NAALADL2: variants seen among roughly 807,000 people sequenced by gnomAD.
NAALADL2 encodes inactive N-acetylated-alpha-linked acidic dipeptidase-like protein 2.
NAALADL2 carries 76 observed loss-of-function variants against 87.2 expected under a neutral mutation model. The ratio of observed to expected loss-of-function variants is 0.87; its 90% CI spans 0.72 to 1.05. NAALADL2 has a LOEUF of 1.05. Ranked by LOEUF, NAALADL2 falls within the 50% of genes least tolerant of loss-of-function variation. NAALADL2 has a pLI of 0.00. For synonymous variants in NAALADL2, 354 were observed against 331.0 expected, an observed-to-expected ratio of 1.07 and a Z score of -0.75; for missense variants, 1,089 against 945.8, an observed-to-expected ratio of 1.15 and a Z score of -1.99.
At chr3:175,429,313 G>C (rs558798117) in intron 5 of NAALADL2, among the ~76,000 whole-genome samples, 3 of 151,246 alleles carry the variant, frequency 2.0e-5, no homozygotes, top group Admixed American at 6.6e-5. Context: ...TGATTACCTT[G>C]CTCTTAAAGA....
intron 5 of NAALADL2, among the ~76,000 whole-genome samples, chr3:175,418,018 T>C (rs1342412341): frequency 6.6e-6 from 1 of 151,700 alleles, no homozygotes. Flanking sequence ...ACAGGTAAAG[T>C]AGGAGATGAG....
At chr3:175,662,474 T>G (rs1732398261) in intron 11 of NAALADL2, among the ~76,000 whole-genome samples, 1 of 151,954 alleles carries the variant, frequency 6.6e-6, no homozygotes, top group Non-Finnish European at 1.5e-5. Flanking sequence ...TTTGGATGCT[T>G]TTTATTTCTT....
chr3:175,208,701 C>T (rs993445743), intron 2 of NAALADL2, among the ~76,000 whole-genome samples: 2 of 152,054 alleles, frequency 1.3e-5, no homozygotes, highest in African/African-American at 4.8e-5. Context: ...CACTGATCTC[C>T]ACATGGTTGA....
At chr3:175,111,585 C>G (rs986572470) in intron 2 of NAALADL2, among the ~76,000 whole-genome samples, 1 of 151,536 alleles carries the variant, frequency 6.6e-6, no homozygotes, top group African/African-American at 2.4e-5. Context: ...ATAAAAGAAA[C>G]AAAATTTGAA....
At chr3:174,864,052 A>G (rs1334390718) in intron 1 of NAALADL2, 1 of 455,804 alleles carries the variant, frequency 2.2e-6, no homozygotes, top group East Asian at 7.0e-5. Context: ...AATTTGGAGC[A>G]AAGAAAGTTG....
At chr3:175,610,625 C>T (rs4429642) in intron 10 of NAALADL2, among the ~76,000 whole-genome samples, 139,868 of 152,080 alleles carry the variant, frequency 0.92, 64,382 homozygotes, top group Admixed American at 0.95. Flanking sequence ...CATTTTTGAG[C>T]CATAAAGCCA....
chr3:175,398,750 C>T (rs115170882), intron 5 of NAALADL2, among the ~76,000 whole-genome samples: 2,908 of 152,124 alleles, frequency 0.019, 32 homozygotes, highest in Non-Finnish European at 0.026. Flanking sequence ...TTTTAATTTA[C>T]ATTTCTTTGA....
At chr3:174,507,554 C>T (rs1055716862) in intron 1 of NAALADL2, among the ~76,000 whole-genome samples, 8 of 151,968 alleles carry the variant, frequency 5.3e-5, no homozygotes, top group South Asian at 2.1e-4. Context: ...ATTTTTCTTA[C>T]ATCTCTGTGC....
At chr3:174,779,709 A>G (rs991231711) in intron 3 of NAALADL2, among the ~76,000 whole-genome samples, 7 of 152,128 alleles carry the variant, frequency 4.6e-5, no homozygotes, top group Admixed American at 3.3e-4. Flanking sequence ...AGTTTTTCCA[A>G]CACCATTTAT....
chr3:174,784,691 T>G (rs1716390145), intron 3 of NAALADL2, among the ~76,000 whole-genome samples: 1 of 152,208 alleles, frequency 6.6e-6, no homozygotes, highest in African/African-American at 2.4e-5. Context: ...CAGATGTGAA[T>G]GAATACTCCT....
intron 5 of NAALADL2, among the ~76,000 whole-genome samples, chr3:175,405,053 C>T (rs1201454773): frequency 6.6e-6 from 1 of 152,106 alleles, no homozygotes; most frequent in Non-Finnish European, 1.5e-5. Flanking sequence ...CTATATCCAA[C>T]TTTATCCTGT....
chr3:174,709,527 T>C (rs1730422008), intron 2 of NAALADL2, among the ~76,000 whole-genome samples: 1 of 152,134 alleles, frequency 6.6e-6, no homozygotes, highest in African/African-American at 2.4e-5. Flanking sequence ...TTATCAAAAT[T>C]TGTATTCTTA....
At chr3:174,847,869 C>G (rs1724810211) in intron 3 of NAALADL2, among the ~76,000 whole-genome samples, 1 of 151,370 alleles carries the variant, frequency 6.6e-6, no homozygotes, top group Non-Finnish European at 1.5e-5. Context: ...ACCCAGGTAG[C>G]TGAACATAGA....
At chr3:175,420,194 C>A (rs1406401475) in intron 5 of NAALADL2, among the ~76,000 whole-genome samples, 2 of 151,898 alleles carry the variant, frequency 1.3e-5, no homozygotes, top group Non-Finnish European at 2.9e-5. Context: ...AGAAATGTTT[C>A]TTTTCTGAAG....
intron 5 of NAALADL2, among the ~76,000 whole-genome samples, chr3:175,353,786 A>G (rs1014033743): frequency 3.9e-5 from 6 of 152,282 alleles, no homozygotes; most frequent in African/African-American, 1.4e-4. Flanking sequence ...CACTCATCAT[A>G]TTTTGTCACA....
chr3:175,563,125 C>T (rs1371458748), intron 9 of NAALADL2, among the ~76,000 whole-genome samples: 1 of 151,700 alleles, frequency 6.6e-6, no homozygotes, highest in Non-Finnish European at 1.5e-5. Context: ...GAACATATTC[C>T]CTTTTCACAT....
At chr3:175,457,450 G>A (rs1722485494) in intron 6 of NAALADL2, among the ~76,000 whole-genome samples, 1 of 152,040 alleles carries the variant, frequency 6.6e-6, no homozygotes, top group African/African-American at 2.4e-5. Flanking sequence ...GCTACCTTTA[G>A]CCACTAGTAT....
At chr3:174,776,672 A>G (rs115301087) in intron 3 of NAALADL2, among the ~76,000 whole-genome samples, 5,903 of 152,264 alleles carry the variant, frequency 0.039, 125 homozygotes, top group Middle Eastern at 0.092. Flanking sequence ...GCTCAGGCAC[A>G]TATTGCTTTT....
intron 11 of NAALADL2, among the ~76,000 whole-genome samples, chr3:175,716,795 C>G: frequency 6.6e-6 from 1 of 152,042 alleles, no homozygotes; most frequent in Non-Finnish European, 1.5e-5. Flanking sequence ...ATAAGTCATC[C>G]TGGCTGTATA....
Sources: gnomAD v4.1 joint callset for allele counts (sites outside exome capture counted in the v4.1 genomes callset) on GRCh38, gnomAD v4.1.1 for gene constraint, MANE v1.5 for transcripts, NCBI Gene and HGNC (gene_info 2026-07-23, HGNC 2026-07-21) for gene names.